SPNS3: variants seen among roughly 807,000 people sequenced by gnomAD.
The protein encoded by SPNS3 is SPNS lysolipid transporter 3, sphingosine-1-phosphate (putative), also known as protein spinster homolog 3.
In SPNS3, 51 loss-of-function variants were observed where a neutral mutation model predicts 54.4. The ratio of observed to expected loss-of-function variants is 0.94; its 90% CI spans 0.75 to 1.18. The LOEUF (loss-of-function observed/expected upper bound fraction) is 1.18, where lower values mean the gene tolerates loss of function less well. SPNS3 is among the 50% of genes most tolerant of loss of function. SPNS3 has a pLI of 0.00. For missense variants in SPNS3, 669 were observed against 677.4 expected (o/e 0.99, Z 0.14); for synonymous variants, 309 against 294.7 (o/e 1.05, Z -0.50).
chr17:4,462,788 T>C lies in SPNS3; in HGVS notation c.1113+9583T>C, dbSNP rs1298908076. On this transcript the variant is annotated intron_variant, in intron 8 of 11. Coordinates refer to ENST00000355530, the MANE Select transcript of SPNS3 (RefSeq NM_182538.5). ...ATCCATCCATCCATCCATCCATCCA[T>C]CCATCCATCCATCCACCAATCTATC... 8.8e-4 allele frequency among the ~76,000 whole-genome samples: 106 copies of C among 120,850 alleles called. 2 individuals carry two copies. Among genetic ancestry groups the C allele is most frequent in the African/African-American group, 4.1e-3 (96 of 23,386 alleles). 79.3% of individuals were successfully genotyped at this position (120,850 alleles called of 152,430 possible).
Position 4,462,794 on chromosome 17 carries a change from C to T in SPNS3, c.1113+9589C>T, listed in dbSNP as rs1331957463. On this transcript the variant is annotated intron_variant, in intron 8 of 11. Coordinates refer to ENST00000355530, the MANE Select transcript of SPNS3 (RefSeq NM_182538.5). Reference sequence around the variant, plus strand: ...CCATCCATCCATCCATCCATCCATCCATCCATCCACCAATCTATCCATCCA... The same window carrying T: ...CCATCCATCCATCCATCCATCCATCTATCCATCCACCAATCTATCCATCCA... 7.8e-4 allele frequency among the ~76,000 whole-genome samples: 108 copies of T among 138,318 alleles called. 2 individuals are homozygous for T. Among genetic ancestry groups the T allele is most frequent in the African/African-American group, 3.4e-3 (100 of 29,800 alleles). 90.7% of individuals were successfully genotyped at this position (138,318 alleles called of 152,430 possible).
rs1190637512 is a variant in SPNS3, at chr17:4,433,951, A to G, written c.-17A>G. 6.6e-7 allele frequency: 1 copy of G among 1,504,994 alleles called. No individual in the cohort carries two copies. Among genetic ancestry groups the G allele is most frequent in the East Asian group, 2.4e-5 (1 of 40,878 alleles). 93.2% of individuals were successfully genotyped at this position (1,504,994 alleles called of 1,614,324 possible). A position where few individuals can be genotyped will look rare whatever the true frequency, so the allele number is the denominator to read the frequency against. The stretch of plus-strand genomic sequence containing the variant: ...TTCATCCTGGCGCCAGTCTCAGGCC[A>G]AGAGCTGCAGGCTGGCATGGCTGGG... On this transcript the variant is annotated 5_prime_UTR_variant, in exon 1 of 12. Coordinates refer to ENST00000355530, the MANE Select transcript of SPNS3 (RefSeq NM_182538.5).
chr17:4,440,754 G>T (rs1464131392), intron 2 of SPNS3, among the ~76,000 whole-genome samples: 1 of 152,138 alleles, frequency 6.6e-6, no homozygotes, highest in African/African-American at 2.4e-5. Context: ...GCTTTTCCCA[G>T]GGGGACCTTG....
intron 2 of SPNS3, among the ~76,000 whole-genome samples, chr17:4,444,614 T>C (rs1970934164): frequency 6.6e-6 from 1 of 151,960 alleles, no homozygotes. Context: ...CCCCAGTAGG[T>C]GCATGAATGA....
chr17:4,462,915 GA>G (rs1445298825), intron 8 of SPNS3, among the ~76,000 whole-genome samples: 2 of 126,484 alleles, frequency 1.6e-5, no homozygotes, highest in Non-Finnish European at 3.2e-5. Flanking sequence ...CAGATGGCAG[GA>G]ACCAAAGTCC....
At chr17:4,476,195 GC>G (rs1971994123) in intron 8 of SPNS3, among the ~76,000 whole-genome samples, 1 of 152,240 alleles carries the variant, frequency 6.6e-6, no homozygotes, top group African/African-American at 2.4e-5. Context: ...CCGCAGCTGA[GC>G]CCTTTGCCCC....
Position 4,446,894 on chromosome 17 carries a change from AG to A in SPNS3, c.555-1del, listed in dbSNP as rs1320733386. ...CCCATCGCCCCTGCCCCTTTGTTGC[AG>A]TGGTCTGGGCTACGTGCTGGGGTCG... On this transcript the variant is annotated splice_acceptor_variant, in intron 4 of 11. Coordinates refer to ENST00000355530, the MANE Select transcript of SPNS3 (RefSeq NM_182538.5). LOFTEE classifies it high-confidence loss of function. The A allele has an allele frequency of 6.2e-7, 1 of 1,613,846 alleles. No homozygotes were observed. The highest frequency in any genetic ancestry group is 1.7e-5 in the Admixed American group (1 of 60,010).
At position 4,451,458 on chromosome 17, in the gene SPNS3, C is replaced by T. The variant is rs774396446; in HGVS notation, c.924-1558C>T. ...GTAGAGAATTTAGAGAATTCTCAGT[C>T]ATTTGTGCAAAGTGAGGGTGGGAGA... On this transcript the variant is annotated intron_variant, in intron 7 of 11. Coordinates refer to ENST00000355530, the MANE Select transcript of SPNS3 (RefSeq NM_182538.5). Among the ~76,000 whole-genome samples the T allele has an allele frequency of 3.7e-4, 56 of 152,106 alleles. 1 individual carries two copies. Among genetic ancestry groups the T allele is most frequent in the Middle Eastern group, 6.8e-3 (2 of 294 alleles).
intron 7 of SPNS3, among the ~76,000 whole-genome samples, chr17:4,451,690 C>A (rs2018575): frequency 6.6e-6 from 1 of 150,812 alleles, no homozygotes; most frequent in South Asian, 2.1e-4. Context: ...GTTTTTGAGA[C>A]GGAGTCTTGC....
intron 8 of SPNS3, among the ~76,000 whole-genome samples, chr17:4,455,968 A>C (rs2144084224): frequency 6.6e-6 from 1 of 151,678 alleles, no homozygotes; most frequent in Non-Finnish European, 1.5e-5. Context: ...TAAGAGTAGA[A>C]CTCTTTATTC....
At chr17:4,434,948 G>A (rs1443136105) in intron 1 of SPNS3, among the ~76,000 whole-genome samples, 11 of 151,648 alleles carry the variant, frequency 7.3e-5, no homozygotes, top group Non-Finnish European at 1.3e-4. Flanking sequence ...GACTACAGGC[G>A]CATACCACCA....
intron 8 of SPNS3, among the ~76,000 whole-genome samples, chr17:4,460,851 C>T (rs763739467): frequency 1.3e-5 from 2 of 152,072 alleles, no homozygotes; most frequent in Non-Finnish European, 2.9e-5. Flanking sequence ...GTTTTGGTAT[C>T]AGGGTAGTGG....
chr17:4,475,444 G>A (rs1484508403), intron 8 of SPNS3, among the ~76,000 whole-genome samples: 2 of 152,342 alleles, frequency 1.3e-5, no homozygotes, highest in East Asian at 1.9e-4. Flanking sequence ...TTCGAGGAAC[G>A]TGCGGATGCA....
rs2087818156 is a variant in SPNS3, at chr17:4,433,973, TG to T, written c.12del (p.Met5CysfsTer53). On this transcript the variant is annotated frameshift_variant, in exon 1 of 12. Coordinates refer to ENST00000355530, the MANE Select transcript of SPNS3 (RefSeq NM_182538.5). LOFTEE classifies it high-confidence loss of function. MA[G>X]GMSAECPEPG... ...GCCAAGAGCTGCAGGCTGGCATGGC[TG>T]GGGGGATGTCAGCGGAGTGCCCTGA... 7.8e-6 allele frequency: 12 copies of T among 1,536,528 alleles called. No individual in the cohort carries two copies. Among genetic ancestry groups the T allele is most frequent in the Admixed American group, 2.0e-5 (1 of 49,580 alleles).
intron 8 of SPNS3, among the ~76,000 whole-genome samples, chr17:4,458,010 C>A (rs1021028684): frequency 1.3e-5 from 2 of 152,032 alleles, no homozygotes; most frequent in Non-Finnish European, 2.9e-5. Context: ...GATGCCATCC[C>A]GCCCCCACCC....
intron 8 of SPNS3, 117 bp downstream of exon 8, chr17:4,453,322 G>A: frequency 1.0e-6 from 1 of 975,040 alleles, no homozygotes; most frequent in Non-Finnish European, 1.5e-6. Flanking sequence ...CTCCTTCTGA[G>A]TAGAGCTTGT....
chr17:4,481,124 A>T (rs1357355845), intron 9 of SPNS3, among the ~76,000 whole-genome samples: 1 of 151,996 alleles, frequency 6.6e-6, no homozygotes, highest in Admixed American at 6.6e-5. Context: ...AGCAAAGGGC[A>T]TGGTAGCTGG....
At chr17:4,436,456 C>T (rs920429543) in intron 1 of SPNS3, among the ~76,000 whole-genome samples, 48 of 151,486 alleles carry the variant, frequency 3.2e-4, no homozygotes, top group Admixed American at 2.6e-3. Flanking sequence ...TAGCCAGGGA[C>T]AGTGATGTCT....
intron 2 of SPNS3, among the ~76,000 whole-genome samples, chr17:4,442,530 C>CAA (rs147092893): frequency 0.11 from 15,567 of 141,576 alleles, 953 homozygotes; most frequent in African/African-American, 0.18. Context: ...AAGACTGTCT[C>CAA]AAAAAAAAAA....
Sources: gnomAD v4.1 joint callset for allele counts (sites outside exome capture counted in the v4.1 genomes callset) on GRCh38, gnomAD v4.1.1 for gene constraint, MANE v1.5 for transcripts, NCBI Gene and HGNC (gene_info 2026-07-23, HGNC 2026-07-21) for gene names.